Variants in ZMAT4 observed in about 807,000 individuals in gnomAD.
ZMAT4 encodes the protein zinc finger matrin-type protein 4.
Under a neutral mutation model 28.7 loss-of-function variants are expected in ZMAT4, and 17 were observed. The observed-to-expected ratio is 0.59, with a 90% CI of 0.41 to 0.89. ZMAT4 has a LOEUF of 0.89. Ranked by LOEUF, ZMAT4 falls within the 40% of genes least tolerant of loss-of-function variation. The pLI is 0.00. For missense variants in ZMAT4, 240 were observed against 283.8 expected (o/e 0.85, Z 1.11); for synonymous variants, 117 against 109.2 (o/e 1.07, Z -0.44).
At chr8:40,639,395 A>G (rs1806920700) in intron 5 of ZMAT4, among the ~76,000 whole-genome samples, 1 of 152,130 alleles carries the variant, frequency 6.6e-6, no homozygotes, top group Non-Finnish European at 1.5e-5. Flanking sequence ...CTTAGCCAAC[A>G]TCGGGATCTC....
At chr8:40,838,654 C>T (rs1490221660) in intron 1 of ZMAT4, among the ~76,000 whole-genome samples, 1 of 152,182 alleles carries the variant, frequency 6.6e-6, no homozygotes, top group South Asian at 2.1e-4. Context: ...GCCCACCTAC[C>T]ATGGCCAGAC....
intron 6 of ZMAT4, among the ~76,000 whole-genome samples, chr8:40,542,579 G>A (rs749982507): frequency 6.6e-6 from 1 of 151,920 alleles, no homozygotes; most frequent in Non-Finnish European, 1.5e-5. Flanking sequence ...TGTAGATACG[G>A]TGTGGCACTA....
Position 40,557,685 on chromosome 8 carries a change from C to T in ZMAT4, c.674+23480G>A, listed in dbSNP as rs1007904724. ...ATTTCCCACCTTATAATAACATCCC[C>T]TCTCTCTGGCTGTCTCTTCCCAACA... is the stretch of plus-strand genomic sequence containing the variant. On this transcript the variant is annotated intron_variant, in intron 6 of 6. Transcript: ENST00000297737. Among the ~76,000 whole-genome samples, 7 of 152,292 alleles carry T rather than the reference C, an allele frequency of 4.6e-5. No individual in the cohort carries two copies. In the South Asian group the frequency reaches 8.3e-4, roughly 18 times the overall value.
At chr8:40,553,144 C>T (rs1443281177) in intron 6 of ZMAT4, among the ~76,000 whole-genome samples, 1 of 152,116 alleles carries the variant, frequency 6.6e-6, no homozygotes, top group African/African-American at 2.4e-5. Flanking sequence ...TGTTAGCTTC[C>T]ATCCTAGGAG....
intron 1 of ZMAT4, among the ~76,000 whole-genome samples, chr8:40,870,614 C>A (rs1196879406): frequency 6.6e-6 from 1 of 152,176 alleles, no homozygotes; most frequent in Non-Finnish European, 1.5e-5. Context: ...ATGTTTCTTT[C>A]CTTACGTGTC....
intron 5 of ZMAT4, among the ~76,000 whole-genome samples, chr8:40,623,082 T>C (rs983879): frequency 0.97 from 147,224 of 152,258 alleles, 71,376 homozygotes; most frequent in East Asian, 1. Flanking sequence ...GAAAAAGTAT[T>C]CAAGACATTA....
chr8:40,725,157 G>A (rs955958733), intron 3 of ZMAT4, among the ~76,000 whole-genome samples: 3 of 152,130 alleles, frequency 2.0e-5, no homozygotes, highest in African/African-American at 7.2e-5. Flanking sequence ...TGTGCTTCCT[G>A]AGACACCTGT....
chr8:40,533,608 A>G (rs1002060453), intron 6 of ZMAT4, among the ~76,000 whole-genome samples: 1 of 152,220 alleles, frequency 6.6e-6, no homozygotes, highest in Non-Finnish European at 1.5e-5. Context: ...TTGAAATTTC[A>G]TTTTCCAAAA....
At chr8:40,782,169 C>T (rs1287688832) in intron 2 of ZMAT4, among the ~76,000 whole-genome samples, 2 of 151,990 alleles carry the variant, frequency 1.3e-5, no homozygotes, top group African/African-American at 2.4e-5. Flanking sequence ...GGGTGGATCT[C>T]GAGGTCAGGA....
At chr8:40,895,578 G>A (rs540847405) in intron 1 of ZMAT4, among the ~76,000 whole-genome samples, 2 of 152,186 alleles carry the variant, frequency 1.3e-5, no homozygotes, top group East Asian at 1.9e-4. Flanking sequence ...GAAGGAAAGC[G>A]AGCGCTCCAG....
chr8:40,564,093 T>C (rs983752892), intron 6 of ZMAT4, among the ~76,000 whole-genome samples: 1 of 152,146 alleles, frequency 6.6e-6, no homozygotes, highest in African/African-American at 2.4e-5. Context: ...TTTTGGTCTG[T>C]CCTCCAAAAA....
intron 2 of ZMAT4, among the ~76,000 whole-genome samples, chr8:40,795,310 T>A (rs888924447): frequency 6.6e-6 from 1 of 152,178 alleles, no homozygotes; most frequent in Non-Finnish European, 1.5e-5. Context: ...CTGGCACACC[T>A]GACTCCTAAA....
chr8:40,725,097 G>A (rs1003419542), intron 3 of ZMAT4, among the ~76,000 whole-genome samples: 1 of 152,138 alleles, frequency 6.6e-6, no homozygotes, highest in Admixed American at 6.5e-5. Flanking sequence ...TGCAAACTGC[G>A]GGAAGTGCCA....
At chr8:40,820,616 ATG>A (rs773403741) in intron 2 of ZMAT4, among the ~76,000 whole-genome samples, 67 of 96,558 alleles carry the variant, frequency 6.9e-4, no homozygotes, top group Non-Finnish European at 1.0e-3. Flanking sequence ...ATGTGTGTGT[ATG>A]TGTGTGTATG....
At chr8:40,722,733 C>G (rs901459810) in intron 3 of ZMAT4, among the ~76,000 whole-genome samples, 2 of 152,142 alleles carry the variant, frequency 1.3e-5, no homozygotes, top group Admixed American at 1.3e-4. Context: ...GAGGAGGAAC[C>G]TGCGGGGATT....
chr8:40,763,598 T>C (rs918513473), intron 3 of ZMAT4, among the ~76,000 whole-genome samples: 1 of 152,142 alleles, frequency 6.6e-6, no homozygotes, highest in African/African-American at 2.4e-5. Context: ...CACTTCAAGA[T>C]ATGTGGGAAA....
intron 2 of ZMAT4, among the ~76,000 whole-genome samples, chr8:40,812,658 C>T (rs909213111): frequency 6.6e-6 from 1 of 152,086 alleles, no homozygotes; most frequent in East Asian, 1.9e-4. Flanking sequence ...AGGTCAGGTG[C>T]GGTGGCTCAT....
At chr8:40,832,023 G>A (rs1315322585) in intron 1 of ZMAT4, among the ~76,000 whole-genome samples, 2 of 152,180 alleles carry the variant, frequency 1.3e-5, no homozygotes, top group African/African-American at 2.4e-5. Context: ...TCACCCAGAG[G>A]TCACTCAGCT....
At chr8:40,571,317 A>T (rs1804090513) in intron 6 of ZMAT4, among the ~76,000 whole-genome samples, 1 of 151,996 alleles carries the variant, frequency 6.6e-6, no homozygotes, top group East Asian at 1.9e-4. Flanking sequence ...AGAAAAATAG[A>T]GCTGCTAAAA....
Sources: gnomAD v4.1 joint callset for allele counts (sites outside exome capture counted in the v4.1 genomes callset) on GRCh38, gnomAD v4.1.1 for gene constraint, MANE v1.5 for transcripts, NCBI Gene and HGNC (gene_info 2026-07-23, HGNC 2026-07-21) for gene names.